Variants in ZFYVE9 observed in about 807,000 individuals in gnomAD.
The protein encoded by ZFYVE9 is zinc finger FYVE-type containing 9, also known as zinc finger FYVE domain-containing protein 9.
ZFYVE9 carries 43 observed loss-of-function variants against 126.7 expected under a neutral mutation model. The ratio of observed to expected loss-of-function variants is 0.34; its 90% CI spans 0.27 to 0.44. The LOEUF (loss-of-function observed/expected upper bound fraction) is 0.44, where lower values mean the gene tolerates loss of function less well. Among genes scored for constraint, ZFYVE9 ranks in the 20% least tolerant of loss-of-function variants. ZFYVE9 has a pLI of 1.00. For missense variants in ZFYVE9, 1,476 were observed against 1,697.0 expected (o/e 0.87, Z 2.29); for synonymous variants, 521 against 597.4 (o/e 0.87, Z 1.87).
chr1:52,344,847 C>T lies in ZFYVE9; in HGVS notation c.4019C>T (p.Ala1340Val). The T allele has an allele frequency of 6.2e-7, 1 of 1,614,130 alleles. No individual in the cohort carries two copies. Among genetic ancestry groups the T allele is most frequent in the East Asian group, 2.2e-5 (1 of 44,884 alleles). ...ADHSRLTEHV[A>V]KAFCLALCPH... ...CACAGTAGATTGACTGAGCATGTTG[C>T]CAAAGCTTTTTGCCTTGCTCTCTGT... is the stretch of plus-strand genomic sequence containing the variant. The change falls in exon 18 of 19, where the codon GCC becomes GTC. Residue 1340 changes from alanine (A) to valine (V), a missense_variant. Transcript: ENST00000287727.
intron 7 of ZFYVE9, 89 bp from the exon 8 acceptor site, chr1:52,274,375 C>T: frequency 1.4e-6 from 2 of 1,406,212 alleles, no homozygotes; most frequent in Admixed American, 2.2e-5. Context: ...TTCAGATTTT[C>T]ACTTAAGTTC....
chr1:52,188,456 C>T (rs974749117), intron 1 of ZFYVE9, among the ~76,000 whole-genome samples: 4 of 152,278 alleles, frequency 2.6e-5, no homozygotes, highest in Admixed American at 1.3e-4. Flanking sequence ...CAAACCTGCA[C>T]TTGTACCCCT....
At chr1:52,182,098 G>T (rs1644714363) in intron 1 of ZFYVE9, among the ~76,000 whole-genome samples, 1 of 151,308 alleles carries the variant, frequency 6.6e-6, no homozygotes, top group Admixed American at 6.6e-5. Context: ...GGGAGGTGGG[G>T]GGGTCAGCCC....
At chr1:52,231,147 T>C (rs1334672527) in intron 2 of ZFYVE9, among the ~76,000 whole-genome samples, 1 of 152,216 alleles carries the variant, frequency 6.6e-6, no homozygotes, top group Non-Finnish European at 1.5e-5. Context: ...ATGTGCAACC[T>C]ATCTGAAATG....
chr1:52,260,011 A>G (rs1179424654), intron 4 of ZFYVE9, among the ~76,000 whole-genome samples: 2 of 152,078 alleles, frequency 1.3e-5, no homozygotes, highest in Non-Finnish European at 2.9e-5. Context: ...CAATATGGAG[A>G]TAATTCTTGT....
In ZFYVE9 at chr1:52,158,258, C is replaced by T. The variant is rs373298604; in HGVS notation, c.-143+15855C>T. On this transcript the variant is annotated intron_variant, in intron 1 of 18. Transcript: ENST00000287727. Reference sequence around the variant, plus strand: ...GGTTTATGCCAGTCCTGCTGGTACCCTGGCTAATTCTTGCCATTCTTTTGG... The same window carrying T: ...GGTTTATGCCAGTCCTGCTGGTACCTTGGCTAATTCTTGCCATTCTTTTGG... 2.4e-4 allele frequency among the ~76,000 whole-genome samples: 37 copies of T among 152,344 alleles called. No individual in the cohort carries two copies. In the East Asian group the frequency reaches 3.1e-3, roughly 13 times the overall value.
chr1:52,235,658 A>C, intron 3 of ZFYVE9, among the ~76,000 whole-genome samples: 1 of 151,922 alleles, frequency 6.6e-6, no homozygotes, highest in East Asian at 1.9e-4. Context: ...TCTTTTCTCA[A>C]CCCAAACTGA....
chr1:52,313,807 A>C (rs1238246548), intron 13 of ZFYVE9, among the ~76,000 whole-genome samples: 1 of 152,226 alleles, frequency 6.6e-6, no homozygotes, highest in Admixed American at 6.5e-5. Flanking sequence ...AAGCTTTAAG[A>C]AATGTAGGTG....
intron 1 of ZFYVE9, among the ~76,000 whole-genome samples, chr1:52,202,025 C>T (rs1049892528): frequency 9.2e-5 from 14 of 152,058 alleles, no homozygotes; most frequent in Admixed American, 2.0e-4. Flanking sequence ...CTTAGGTGAT[C>T]CCCCCATCTT....
chr1:52,341,445 G>T (rs1040465719), intron 17 of ZFYVE9, among the ~76,000 whole-genome samples: 4 of 152,136 alleles, frequency 2.6e-5, no homozygotes, highest in Non-Finnish European at 5.9e-5. Flanking sequence ...ATGTCATATA[G>T]ATCAGAAAGT....
At chr1:52,255,617 A>C (rs1645497762) in intron 4 of ZFYVE9, among the ~76,000 whole-genome samples, 1 of 142,934 alleles carries the variant, frequency 7.0e-6, no homozygotes, top group Admixed American at 7.0e-5. Flanking sequence ...TTTAGGCTGG[A>C]TGCAGTGGCT....
At chr1:52,338,907 A>G (rs546668935) in intron 16 of ZFYVE9, among the ~76,000 whole-genome samples, 1 of 152,236 alleles carries the variant, frequency 6.6e-6, no homozygotes, top group East Asian at 1.9e-4. Flanking sequence ...GCTACTCAGG[A>G]GGCTGAGGCA....
chr1:52,332,644 G>A, intron 13 of ZFYVE9, 124 bp from the exon 14 acceptor site: 1 of 1,097,420 alleles, frequency 9.1e-7, no homozygotes, highest in Non-Finnish European at 1.3e-6. Context: ...ATTATTTGGT[G>A]GCCCTTTTTG....
intron 14 of ZFYVE9, among the ~76,000 whole-genome samples, chr1:52,333,258 A>C (rs1052690937): frequency 2.0e-5 from 3 of 151,704 alleles, no homozygotes; most frequent in African/African-American, 7.3e-5. Flanking sequence ...CATGTTGTGC[A>C]CATGTACCCT....
chr1:52,336,146 A>AG (rs1025564425), intron 15 of ZFYVE9, among the ~76,000 whole-genome samples: 2 of 151,666 alleles, frequency 1.3e-5, no homozygotes, highest in Non-Finnish European at 2.9e-5. Flanking sequence ...AAAAAAAAAA[A>AG]GGTCCTTTCT....
chr1:52,157,589 A>G (rs758638103), intron 1 of ZFYVE9, among the ~76,000 whole-genome samples: 22 of 151,066 alleles, frequency 1.5e-4, no homozygotes, highest in Non-Finnish European at 3.0e-4. Flanking sequence ...TTTAGTAGAG[A>G]CGGGGGTTTT....
chr1:52,293,411 A>G (rs747335640), intron 10 of ZFYVE9, 42 bp from the exon 11 acceptor site: 4 of 1,327,038 alleles, frequency 3.0e-6, no homozygotes, highest in Non-Finnish European at 4.2e-6. Flanking sequence ...AATATGATTA[A>G]TTTATTGATA....
At chr1:52,153,926 C>T (rs533307907) in intron 1 of ZFYVE9, among the ~76,000 whole-genome samples, 124 of 152,308 alleles carry the variant, frequency 8.1e-4, no homozygotes, top group African/African-American at 2.9e-3. Context: ...TAAATCAGTG[C>T]ATGTACTGCA....
At chr1:52,268,682 T>C in intron 7 of ZFYVE9, 50 bp downstream of exon 7, 1 of 1,577,130 alleles carries the variant, frequency 6.3e-7, no homozygotes, top group East Asian at 2.3e-5. Flanking sequence ...TTACTCAGCA[T>C]TGTGCTGCCT....
Sources: allele counts gnomAD v4.1 joint callset (sites outside exome capture counted in the v4.1 genomes callset), GRCh38; gene constraint gnomAD v4.1.1; transcripts MANE v1.5; gene names NCBI Gene and HGNC (gene_info 2026-07-23, HGNC 2026-07-21).